The following ARHGAP8 variants were observed in gnomAD, a reference collection of about 807,000 sequenced individuals.
ARHGAP8 encodes the protein Rho GTPase activating protein 8.
Under a neutral mutation model 46.1 loss-of-function variants are expected in ARHGAP8, and 62 were observed. The observed-to-expected ratio is 1.34, with a 90% CI of 1.10 to 1.66. ARHGAP8 has a LOEUF of 1.66. ARHGAP8 is among the 40% of genes most tolerant of loss of function. The pLI is 0.00. For synonymous variants in ARHGAP8, 375 were observed against 243.1 expected (o/e 1.54, Z -5.05); for missense variants, 923 against 568.4 (o/e 1.62, Z -6.34).
intron 7 of ARHGAP8, among the ~76,000 whole-genome samples, chr22:44,843,212 C>T (rs181557167): frequency 6.7e-4 from 102 of 152,190 alleles, no homozygotes; most frequent in African/African-American, 2.2e-3. Flanking sequence ...ATTTTGCAAG[C>T]GGTAAAGCTG....
intron 1 of ARHGAP8, among the ~76,000 whole-genome samples, chr22:44,772,351 T>G (rs1926097295): frequency 9.1e-6 from 1 of 110,328 alleles, no homozygotes. Context: ...TTTTCTTTTT[T>G]CTTTTTTTTT....
At chr22:44,760,613 CTAATTTGCCCGAGGTAAGTAGGTGT>C (rs1925059100) in intron 1 of ARHGAP8, among the ~76,000 whole-genome samples, 1 of 152,216 alleles carries the variant, frequency 6.6e-6, no homozygotes, top group Admixed American at 6.5e-5. Context: ...AAGTTTGGTG[CTAATTTGCCCGAGGTAAGTAGGTGT>C]TAATTTGTAG....
chr22:44,817,339 A>G (rs1929824094), intron 5 of ARHGAP8, among the ~76,000 whole-genome samples: 1 of 152,142 alleles, frequency 6.6e-6, no homozygotes, highest in African/African-American at 2.4e-5. Context: ...CTTTCATGTC[A>G]CTAGAATTTC....
chr22:44,793,666 G>A (rs935709623), intron 2 of ARHGAP8, among the ~76,000 whole-genome samples: 1 of 152,162 alleles, frequency 6.6e-6, no homozygotes, highest in African/African-American at 2.4e-5. Flanking sequence ...TGTGGGAATC[G>A]TTTCTTTATT....
At chr22:44,815,373 C>T (rs912870049) in intron 5 of ARHGAP8, among the ~76,000 whole-genome samples, 7 of 151,568 alleles carry the variant, frequency 4.6e-5, no homozygotes, top group Admixed American at 2.0e-4. Context: ...GTCTCCAGCC[C>T]CTCCTGAGAT....
intron 7 of ARHGAP8, among the ~76,000 whole-genome samples, chr22:44,842,313 C>T (rs763011164): frequency 1.3e-5 from 2 of 152,088 alleles, no homozygotes; most frequent in Non-Finnish European, 2.9e-5. Flanking sequence ...GCAGAGATTG[C>T]GCCACTGCAC....
At position 44,802,181 on chromosome 22, in the gene ARHGAP8, C is replaced by A. The variant is rs773965825; in HGVS notation, c.167+17C>A. ...GCTGCTGGAGTAAGTGTTCTGCCCCCTCTCTTTCTGTCCCTGTCTCTCCAT... is the reference window on the plus strand; with the variant it reads ...GCTGCTGGAGTAAGTGTTCTGCCCCATCTCTTTCTGTCCCTGTCTCTCCAT... On this transcript the variant is annotated intron_variant, in intron 3 of 11. Transcript: ENST00000356099. 1.9e-6 allele frequency: 3 copies of A among 1,613,380 alleles called. No homozygotes were observed. The South Asian group carries it at 3.3e-5, about 18-fold the overall frequency.
At chr22:44,859,877 T>C (rs770616566) in intron 11 of ARHGAP8, 43 bp downstream of exon 11, 2 of 1,601,614 alleles carry the variant, frequency 1.2e-6, no homozygotes, top group South Asian at 2.2e-5. Context: ...CCCAGTGGCC[T>C]TCCCTCCCAT....
At chr22:44,835,915 TG>T (rs5845675) in intron 7 of ARHGAP8, among the ~76,000 whole-genome samples, 19,060 of 152,208 alleles carry the variant, frequency 0.13, 1,537 homozygotes, top group East Asian at 0.31. Flanking sequence ...CTGTACCATG[TG>T]GCTGTCTGGA....
At chr22:44,793,878 A>G (rs1333723972) in intron 2 of ARHGAP8, among the ~76,000 whole-genome samples, 4 of 152,204 alleles carry the variant, frequency 2.6e-5, no homozygotes, top group African/African-American at 9.7e-5. Flanking sequence ...AGCGAAGGGT[A>G]TTTACTCATA....
chr22:44,858,421 G>A lies in ARHGAP8; in HGVS notation c.878-1310G>A, dbSNP rs559990751. Among the ~76,000 whole-genome samples, 395 of 150,254 alleles carry A rather than the reference G, an allele frequency of 2.6e-3. 2 individuals carry two copies. The highest frequency in any genetic ancestry group is 3.6e-3 in the Non-Finnish European group (244 of 67,584). On this transcript the variant is annotated intron_variant, in intron 10 of 11. Transcript: ENST00000356099. ...TCACTCTTGTTGCCCAGGCTGGAGT[G>A]CAATGGCACCATCTCGGCTCAGTGC... is the stretch of plus-strand genomic sequence containing the variant.
At chr22:44,849,165 C>A (rs374572503) in intron 10 of ARHGAP8, 105 bp downstream of exon 10, 3 of 1,557,644 alleles carry the variant, frequency 1.9e-6, no homozygotes, top group Non-Finnish European at 1.7e-6. Context: ...TGACGTGTAC[C>A]CACCCTCCTC....
At chr22:44,861,684 C>G (rs765778365) in intron 11 of ARHGAP8, among the ~76,000 whole-genome samples, 13 of 152,308 alleles carry the variant, frequency 8.5e-5, no homozygotes, top group South Asian at 2.1e-4. Flanking sequence ...GTCCACATGG[C>G]CCCCTGCCAC....
intron 5 of ARHGAP8, among the ~76,000 whole-genome samples, chr22:44,818,985 C>G (rs1334882895): frequency 1.3e-5 from 2 of 152,196 alleles, no homozygotes; most frequent in Non-Finnish European, 2.9e-5. Flanking sequence ...AGGAGCGCAC[C>G]ATGTTGACTG....
intron 1 of ARHGAP8, among the ~76,000 whole-genome samples, chr22:44,776,462 G>A (rs5765976): frequency 0.19 from 25,998 of 133,526 alleles, 2,506 homozygotes; most frequent in Non-Finnish European, 0.24. Flanking sequence ...CAAAAAAAAA[G>A]AAAAAAAAAA....
rs530987549 is a variant in ARHGAP8, at chr22:44,831,268, T to A, written c.596+5675T>A. ...TCAAGGCCGTGACAATTCATGCCTA[T>A]GTTTTCTTCCAAGAGTTTTACCACT... On this transcript the variant is annotated intron_variant, in intron 7 of 11. Coordinates refer to ENST00000356099, the MANE Select transcript of ARHGAP8 (RefSeq NM_181335.3). Among the ~76,000 whole-genome samples the A allele has an allele frequency of 2.0e-5, 3 of 152,366 alleles. No individual in the cohort carries two copies. In the East Asian group the frequency reaches 5.8e-4, roughly 29 times the overall value.
At chr22:44,837,257 T>C (rs1275694670) in intron 7 of ARHGAP8, among the ~76,000 whole-genome samples, 1 of 152,176 alleles carries the variant, frequency 6.6e-6, no homozygotes, top group Non-Finnish European at 1.5e-5. Context: ...AGAAAAAACA[T>C]GCTCTGAATT....
chr22:44,781,781 A>G (rs920467590), intron 1 of ARHGAP8, among the ~76,000 whole-genome samples: 4 of 152,008 alleles, frequency 2.6e-5, no homozygotes, highest in African/African-American at 9.7e-5. Flanking sequence ...TGCCTCAGCC[A>G]CCCGAAGTGC....
chr22:44,819,646 C>T (rs993233162), intron 5 of ARHGAP8, among the ~76,000 whole-genome samples: 11 of 152,108 alleles, frequency 7.2e-5, no homozygotes, highest in Admixed American at 5.2e-4. Context: ...GCACTCCAGC[C>T]TGGGCAATAA....
Sources: allele counts gnomAD v4.1 joint callset (sites outside exome capture counted in the v4.1 genomes callset), GRCh38; gene constraint gnomAD v4.1.1; transcripts MANE v1.5; gene names NCBI Gene and HGNC (gene_info 2026-07-23, HGNC 2026-07-21).